Variants in ARNT2 observed in about 807,000 individuals in gnomAD.
ARNT2 encodes the protein ARNT protein 2.
Under a neutral mutation model 91.7 loss-of-function variants are expected in ARNT2, and 36 were observed. The observed-to-expected ratio is 0.39, with a 90% CI of 0.30 to 0.52. The LOEUF (loss-of-function observed/expected upper bound fraction) is 0.52, where lower values mean the gene tolerates loss of function less well. Among genes scored for constraint, ARNT2 ranks in the 20% least tolerant of loss-of-function variants. The pLI, the probability that ARNT2 is intolerant of heterozygous loss-of-function variation, is 0.72. For synonymous variants in ARNT2, 365 were observed against 347.1 expected, an observed-to-expected ratio of 1.05 and a Z score of -0.57; for missense variants, 775 against 939.3, an observed-to-expected ratio of 0.83 and a Z score of 2.29.
At chr15:80,420,070 C>T (rs1307746355) in intron 1 of ARNT2, among the ~76,000 whole-genome samples, 1 of 152,122 alleles carries the variant, frequency 6.6e-6, no homozygotes, top group Non-Finnish European at 1.5e-5. Context: ...TTGAGCCTCT[C>T]TCCACATTTT....
chr15:80,543,109 A>G (rs1897938031), intron 8 of ARNT2, among the ~76,000 whole-genome samples: 1 of 150,956 alleles, frequency 6.6e-6, no homozygotes, highest in Admixed American at 6.6e-5. Flanking sequence ...AAAAAAAAAA[A>G]AAAAAAAAAA....
At chr15:80,407,196 T>A (rs989539621) in intron 1 of ARNT2, among the ~76,000 whole-genome samples, 6 of 152,118 alleles carry the variant, frequency 3.9e-5, no homozygotes, top group Non-Finnish European at 7.4e-5. Context: ...GTGTCCAGGG[T>A]ACAAAGGCCA....
intron 12 of ARNT2, among the ~76,000 whole-genome samples, chr15:80,566,193 G>T (rs150665208): frequency 5.8e-4 from 86 of 149,158 alleles, no homozygotes; most frequent in Non-Finnish European, 7.1e-4. Flanking sequence ...AGTTTCTTGG[G>T]CCAGCTCTTG....
intron 3 of ARNT2, among the ~76,000 whole-genome samples, chr15:80,465,190 C>T (rs1220897128): frequency 6.6e-6 from 1 of 152,156 alleles, no homozygotes; most frequent in Non-Finnish European, 1.5e-5. Flanking sequence ...CAGAGGTTAT[C>T]ACTGTGTGCT....
At chr15:80,578,151 C>T (rs1219440020) in intron 15 of ARNT2, among the ~76,000 whole-genome samples, 1 of 152,156 alleles carries the variant, frequency 6.6e-6, no homozygotes, top group Non-Finnish European at 1.5e-5. Flanking sequence ...TGCTGCTTGT[C>T]CTCCACTCTG....
At chr15:80,528,797 T>A (rs1401437810) in intron 8 of ARNT2, among the ~76,000 whole-genome samples, 1 of 152,182 alleles carries the variant, frequency 6.6e-6, no homozygotes, top group Non-Finnish European at 1.5e-5. Context: ...CAGGAGCAGG[T>A]GCTTTTTATA....
chr15:80,454,958 A>G (rs1896460240), intron 2 of ARNT2, among the ~76,000 whole-genome samples: 1 of 152,196 alleles, frequency 6.6e-6, no homozygotes, highest in Admixed American at 6.5e-5. Flanking sequence ...CACTGTGTTG[A>G]ATTAAAGTGA....
intron 14 of ARNT2, among the ~76,000 whole-genome samples, 158 bp downstream of exon 14, chr15:80,575,268 T>C (rs895256220): frequency 2.0e-5 from 3 of 152,220 alleles, no homozygotes; most frequent in African/African-American, 4.8e-5. Context: ...ATGGATTCTG[T>C]CTACTCCTGG....
chr15:80,471,339 G>A (rs1021863824), intron 4 of ARNT2, among the ~76,000 whole-genome samples: 1 of 152,208 alleles, frequency 6.6e-6, no homozygotes, highest in Non-Finnish European at 1.5e-5. Context: ...AGAACACATG[G>A]ACACAAAGAG....
chr15:80,501,583 A>G (rs1016658863), intron 5 of ARNT2, among the ~76,000 whole-genome samples: 2 of 152,234 alleles, frequency 1.3e-5, no homozygotes, highest in African/African-American at 4.8e-5. Context: ...TGCTCTGTGC[A>G]TTATTCCAGA....
intron 1 of ARNT2, among the ~76,000 whole-genome samples, chr15:80,410,302 A>G (rs1357450096): frequency 1.3e-5 from 2 of 152,326 alleles, no homozygotes; most frequent in African/African-American, 2.4e-5. Flanking sequence ...GGGCAGAATC[A>G]TCATGACTTC....
At chr15:80,564,052 G>T (rs1475693127) in intron 12 of ARNT2, among the ~76,000 whole-genome samples, 2 of 152,212 alleles carry the variant, frequency 1.3e-5, no homozygotes, top group African/African-American at 4.8e-5. Flanking sequence ...GGATGTCCAA[G>T]CAAACGCAAG....
chr15:80,433,523 T>C (rs1160404441), intron 1 of ARNT2, among the ~76,000 whole-genome samples: 1 of 152,038 alleles, frequency 6.6e-6, no homozygotes, highest in Non-Finnish European at 1.5e-5. Context: ...TGGCCTCAAG[T>C]GATCCACCCA....
At chr15:80,518,787 G>A (rs1595995212) in intron 8 of ARNT2, among the ~76,000 whole-genome samples, 1 of 152,228 alleles carries the variant, frequency 6.6e-6, no homozygotes, top group Middle Eastern at 3.4e-3. Flanking sequence ...GAGTTGGGCT[G>A]GAATTGAGTA....
intron 12 of ARNT2, among the ~76,000 whole-genome samples, chr15:80,566,558 A>G (rs1321535293): frequency 1.3e-5 from 2 of 151,904 alleles, no homozygotes; most frequent in African/African-American, 2.4e-5. Flanking sequence ...TGGCCAACCC[A>G]CCAAAGCTCC....
chr15:80,492,296 C>T (rs58524480), intron 5 of ARNT2, among the ~76,000 whole-genome samples: 5,578 of 152,258 alleles, frequency 0.037, 213 homozygotes, highest in East Asian at 0.15. Context: ...CCTCAGCCTC[C>T]CAAAATGCTG....
intron 1 of ARNT2, among the ~76,000 whole-genome samples, chr15:80,413,811 C>T (rs928242196): frequency 4.6e-5 from 7 of 152,108 alleles, no homozygotes; most frequent in African/African-American, 1.7e-4. Flanking sequence ...GGTGGCTGAG[C>T]GAGGGAGGTG....
intron 8 of ARNT2, among the ~76,000 whole-genome samples, chr15:80,542,924 C>G (rs1432847651): frequency 6.6e-6 from 1 of 151,568 alleles, no homozygotes; most frequent in Non-Finnish European, 1.5e-5. Context: ...ATGGTGAAAC[C>G]CCATCTCAAC....
At chr15:80,515,177 C>T (rs1183434385) in intron 8 of ARNT2, among the ~76,000 whole-genome samples, 2 of 152,210 alleles carry the variant, frequency 1.3e-5, no homozygotes, top group Non-Finnish European at 2.9e-5. Context: ...TATAAAATAG[C>T]ATAGCCACTT....
Sources: allele counts gnomAD v4.1 joint callset (sites outside exome capture counted in the v4.1 genomes callset), GRCh38; gene constraint gnomAD v4.1.1; transcripts MANE v1.5; gene names NCBI Gene and HGNC (gene_info 2026-07-23, HGNC 2026-07-21).